The following PEX14 variants were observed in gnomAD, a reference collection of about 807,000 sequenced individuals.
The protein encoded by PEX14 is peroxisomal membrane protein PEX14.
PEX14 carries 15 observed loss-of-function variants against 49.5 expected under a neutral mutation model. The observed-to-expected ratio is 0.30, with a 90% confidence interval of 0.20 to 0.47. PEX14 has a LOEUF of 0.47. Ranked by LOEUF, PEX14 falls within the 20% of genes least tolerant of loss-of-function variation. The pLI, the probability that PEX14 is intolerant of heterozygous loss-of-function variation, is 1.00. For synonymous variants in PEX14, 210 were observed against 212.7 expected (o/e 0.99, Z 0.11); for missense variants, 398 against 494.8 (o/e 0.80, Z 1.86).
rs570994976 is a variant in PEX14, at chr1:10,579,492, C to T, written c.170-19746C>T. Among the ~76,000 whole-genome samples the T allele has an allele frequency of 2.6e-5, 4 of 152,178 alleles. 1 individual carries two copies. The highest frequency in any genetic ancestry group is 3.9e-4 in the East Asian group (2 of 5,152). On this transcript the variant is annotated intron_variant, in intron 3 of 8. Coordinates refer to ENST00000356607, the MANE Select transcript of PEX14 (RefSeq NM_004565.3). ...ACCCTAAGAGAGGGTTCTTGGATCTCACACAAGAAAGAATTCTGGGCGAGT... is the reference window on the plus strand; with the variant it reads ...ACCCTAAGAGAGGGTTCTTGGATCTTACACAAGAAAGAATTCTGGGCGAGT...
At chr1:10,526,942 G>T (rs200094117) in intron 2 of PEX14, among the ~76,000 whole-genome samples, 1 of 152,088 alleles carries the variant, frequency 6.6e-6, no homozygotes, top group East Asian at 1.9e-4. Context: ...GCTGGACACG[G>T]TGGCCCACAC....
chr1:10,584,741 CA>C (rs1394187194), intron 3 of PEX14, among the ~76,000 whole-genome samples: 2 of 151,838 alleles, frequency 1.3e-5, no homozygotes, highest in African/African-American at 4.8e-5. Context: ...TCCAGGCAAA[CA>C]AAAAGAGAAA....
intron 2 of PEX14, among the ~76,000 whole-genome samples, chr1:10,522,284 C>A (rs1426131201): frequency 6.6e-6 from 1 of 152,248 alleles, no homozygotes; most frequent in Non-Finnish European, 1.5e-5. Context: ...CCTGATTCCT[C>A]ACCCAGCACT....
At position 10,628,005 on chromosome 1, in the gene PEX14, G is replaced by A. The variant is rs1031180598; in HGVS notation, c.677+642G>A. On this transcript the variant is annotated intron_variant, in intron 8 of 8. Transcript: ENST00000356607. This position sits in a 1 kb window ranked among gnomAD's most constrained non-coding sequence, Gnocchi z 4.5. The stretch of plus-strand genomic sequence containing the variant: ...GGCTGCAGTGCAGTGGCACGATCTC[G>A]GCTCACTGCAACCTCTGCCTCCCGG... Among the ~76,000 whole-genome samples the A allele has an allele frequency of 1.2e-4, 18 of 151,906 alleles. No individual in the cohort carries two copies. The highest frequency in any genetic ancestry group is 1.9e-4 in the African/African-American group (8 of 41,324).
intron 3 of PEX14, among the ~76,000 whole-genome samples, chr1:10,556,836 T>C (rs1639504417): frequency 6.6e-6 from 1 of 152,074 alleles, no homozygotes; most frequent in African/African-American, 2.4e-5. Flanking sequence ...GGGGAGAGTA[T>C]GGTAATGGCA....
At chr1:10,544,565 A>G (rs1306371180) in intron 3 of PEX14, among the ~76,000 whole-genome samples, 1 of 152,100 alleles carries the variant, frequency 6.6e-6, no homozygotes, top group Non-Finnish European at 1.5e-5. Flanking sequence ...CACATATTTA[A>G]TGTGTGGTTT....
chr1:10,481,991 ATTTTTGTAT>A (rs1251953386), intron 1 of PEX14, among the ~76,000 whole-genome samples: 1 of 149,968 alleles, frequency 6.7e-6, no homozygotes, highest in African/African-American at 2.5e-5. Context: ...CTGGCTAATT[ATTTTTGTAT>A]TTTTTGTAGA....
chr1:10,507,954 C>G (rs1641815846), intron 2 of PEX14, among the ~76,000 whole-genome samples: 1 of 152,182 alleles, frequency 6.6e-6, no homozygotes, highest in African/African-American at 2.4e-5. Flanking sequence ...TTGCCAAGAG[C>G]TAGACATTGA....
intron 3 of PEX14, 90 bp from the exon 4 acceptor site, chr1:10,599,148 C>T: frequency 7.5e-7 from 1 of 1,328,086 alleles, no homozygotes. Context: ...CATTCTGTGG[C>T]TGTAAAGGTC....
At chr1:10,577,451 T>A (rs1235987340) in intron 3 of PEX14, among the ~76,000 whole-genome samples, 1 of 139,018 alleles carries the variant, frequency 7.2e-6, no homozygotes, top group African/African-American at 2.7e-5. Flanking sequence ...AGTTCTTGGC[T>A]TTCAGTCATG....
intron 7 of PEX14, among the ~76,000 whole-genome samples, chr1:10,626,818 C>T (rs1268192125): frequency 6.6e-6 from 1 of 152,216 alleles, no homozygotes; most frequent in Non-Finnish European, 1.5e-5. Flanking sequence ...CAAGATTTTC[C>T]AGAAGTAAGA....
In PEX14 at chr1:10,512,100, C is replaced by T. The variant is rs1181934475; in HGVS notation, c.84+16779C>T. ...TCAGCTTCCCGAATAACTGGGACTA[C>T]AGGCGCCTGCCCCCACGCTCGGCTA... is the stretch of plus-strand genomic sequence containing the variant. On this transcript the variant is annotated intron_variant, in intron 2 of 8. Transcript: ENST00000356607. The surrounding 1 kb of genome is among the most constrained non-coding windows in gnomAD (Gnocchi z 4.6). Among the ~76,000 whole-genome samples the T allele has an allele frequency of 6.6e-6, 1 of 152,174 alleles. No individual in the cohort carries two copies. The highest frequency in any genetic ancestry group is 1.9e-4 in the East Asian group (1 of 5,206).
chr1:10,517,654 C>CTT lies in PEX14; in HGVS notation c.85-18548_85-18547dup, dbSNP rs57222349. On this transcript the variant is annotated intron_variant, in intron 2 of 8. Transcript: ENST00000356607. ...ATTTATTCTTTCTTTCCATTTTGTT[C>CTT]TTTTTTTTTTTTCTAAATGGGAAGC... Among the ~76,000 whole-genome samples the CTT allele has an allele frequency of 6.7e-4, 92 of 136,702 alleles. 1 individual carries two copies. Among genetic ancestry groups the CTT allele is most frequent in the Middle Eastern group, 3.9e-3 (1 of 256 alleles). The allele number at this position is 136,702 out of a possible 152,430, so 89.7% of individuals were successfully genotyped here. A position where few individuals can be genotyped will look rare whatever the true frequency, so the allele number is the denominator to read the frequency against.
Position 10,572,589 on chromosome 1 carries a change from C to T in PEX14, c.170-26649C>T, listed in dbSNP as rs535797974. Among the ~76,000 whole-genome samples, 38 of 152,238 alleles carry T rather than the reference C, an allele frequency of 2.5e-4. No homozygotes were observed. The East Asian group carries it at 7.1e-3, about 29-fold the overall frequency. On this transcript the variant is annotated intron_variant, in intron 3 of 8. Coordinates refer to ENST00000356607, the MANE Select transcript of PEX14 (RefSeq NM_004565.3). The stretch of plus-strand genomic sequence containing the variant: ...TCTTGCTGTCACCCAGGCTGGAGTG[C>T]GGTGGCGCAATCTCAGCTCACTGCA...
At chr1:10,611,982 TA>T (rs1641289134) in intron 4 of PEX14, among the ~76,000 whole-genome samples, 1 of 152,240 alleles carries the variant, frequency 6.6e-6, no homozygotes, top group Admixed American at 6.5e-5. Flanking sequence ...GCAAAAGCTT[TA>T]AATTTTGATG....
chr1:10,583,473 C>T (rs1450758269), intron 3 of PEX14, among the ~76,000 whole-genome samples: 1 of 151,044 alleles, frequency 6.6e-6, no homozygotes, highest in Non-Finnish European at 1.5e-5. Context: ...CCTCCTGCCT[C>T]AGCCTCCCAA....
intron 3 of PEX14, among the ~76,000 whole-genome samples, chr1:10,592,351 C>T (rs961670158): frequency 2.0e-5 from 3 of 151,790 alleles, no homozygotes; most frequent in African/African-American, 4.8e-5. Flanking sequence ...CCTCTGGAAT[C>T]GATCAAATAT....
At chr1:10,557,479 G>A (rs540358877) in intron 3 of PEX14, among the ~76,000 whole-genome samples, 2 of 152,284 alleles carry the variant, frequency 1.3e-5, no homozygotes, top group South Asian at 2.1e-4. Flanking sequence ...CCAGCTGCTC[G>A]GGAGGCTGAG....
chr1:10,546,939 G>T (rs2480775), intron 3 of PEX14, among the ~76,000 whole-genome samples: 107,523 of 152,000 alleles, frequency 0.71, 39,770 homozygotes, highest in Non-Finnish European at 0.82. Flanking sequence ...TACTCACTTA[G>T]TGAAAAGGCT....
Sources: allele counts gnomAD v4.1 joint callset (sites outside exome capture counted in the v4.1 genomes callset), GRCh38; gene constraint gnomAD v4.1.1; non-coding constraint Gnocchi (gnomAD v3.1); transcripts MANE v1.5; gene names NCBI Gene and HGNC (gene_info 2026-07-23, HGNC 2026-07-21).